The following OPCML variants were observed in gnomAD, a reference collection of about 807,000 sequenced individuals.
OPCML encodes the protein opioid binding protein/cell adhesion molecule like, also known as opioid-binding protein/cell adhesion molecule.
In OPCML, 13 loss-of-function variants were observed where a neutral mutation model predicts 37.8. The ratio of observed to expected loss-of-function variants is 0.34; its 90% CI spans 0.22 to 0.55. OPCML has a LOEUF of 0.55. Ranked by LOEUF, OPCML falls within the 20% of genes least tolerant of loss-of-function variation. The pLI, the probability that OPCML is intolerant of heterozygous loss-of-function variation, is 0.91. For synonymous variants in OPCML, 176 were observed against 168.8 expected (o/e 1.04, Z -0.33); for missense variants, 341 against 435.6 (o/e 0.78, Z 1.93).
chr11:133,391,844 T>G (rs1466167320), intron 1 of OPCML, among the ~76,000 whole-genome samples: 1 of 152,204 alleles, frequency 6.6e-6, no homozygotes, highest in Non-Finnish European at 1.5e-5. Context: ...TTAGGCTTTA[T>G]TTTTCTCTCA....
chr11:132,556,110 G>A (rs1374519684), intron 3 of OPCML, among the ~76,000 whole-genome samples: 2 of 151,028 alleles, frequency 1.3e-5, no homozygotes, highest in African/African-American at 4.9e-5. Flanking sequence ...AGCTAATTTA[G>A]AAAAAAAAAT....
At chr11:133,495,995 T>C (rs967496040) in intron 1 of OPCML, among the ~76,000 whole-genome samples, 1 of 152,170 alleles carries the variant, frequency 6.6e-6, no homozygotes, top group Non-Finnish European at 1.5e-5. Flanking sequence ...TCTGGAAGGG[T>C]TTTACCAACG....
At chr11:132,596,681 C>T (rs2096493051) in intron 3 of OPCML, among the ~76,000 whole-genome samples, 1 of 152,168 alleles carries the variant, frequency 6.6e-6, no homozygotes, top group Admixed American at 6.5e-5. Flanking sequence ...GTTACCTAAA[C>T]TGAACAGGGC....
Position 133,177,361 on chromosome 11 carries a change from C to T in OPCML, c.62-234351G>A, listed in dbSNP as rs1384081754. Among the ~76,000 whole-genome samples, 1 of 152,200 alleles carries T rather than the reference C, an allele frequency of 6.6e-6. No individual in the cohort carries two copies. On this transcript the variant is annotated intron_variant, in intron 1 of 7. Coordinates refer to ENST00000524381, the MANE Select transcript of OPCML (RefSeq NM_001012393.5). This position sits in a 1 kb window ranked among gnomAD's most constrained non-coding sequence, Gnocchi z 5.0. ...AAGGAAGTGGAGAGGGCTATAAATT[C>T]TGGCAGAACCCTGAGGAAATCAGTA...
intron 2 of OPCML, among the ~76,000 whole-genome samples, chr11:132,813,757 C>T (rs1444199145): frequency 2.6e-5 from 4 of 152,156 alleles, no homozygotes; most frequent in Admixed American, 6.6e-5. Context: ...ACTACTTTAA[C>T]CTGTGAAACT....
At chr11:133,291,964 A>C (rs1942490472) in intron 1 of OPCML, among the ~76,000 whole-genome samples, 1 of 152,252 alleles carries the variant, frequency 6.6e-6, no homozygotes, top group Admixed American at 6.5e-5. Flanking sequence ...GTGGTAGATT[A>C]CACAAGAGAA....
intron 1 of OPCML, among the ~76,000 whole-genome samples, chr11:133,445,907 AG>A (rs943111481): frequency 2.6e-5 from 4 of 151,910 alleles, no homozygotes; most frequent in African/African-American, 7.3e-5. Flanking sequence ...CTGAGAAGGA[AG>A]GGGGGGCTGC....
intron 7 of OPCML, among the ~76,000 whole-genome samples, chr11:132,420,977 T>G (rs531556722): frequency 7.8e-6 from 1 of 127,876 alleles, no homozygotes; most frequent in African/African-American, 3.8e-5. Context: ...CCTTGATTTT[T>G]TTCTAGCTTC....
chr11:132,516,320 C>T (rs1385575242), intron 4 of OPCML, among the ~76,000 whole-genome samples: 1 of 152,156 alleles, frequency 6.6e-6, no homozygotes, highest in Admixed American at 6.5e-5. Context: ...CTCCAAACAT[C>T]CTTCACTCTG....
chr11:133,258,837 GC>G (rs939062449), intron 1 of OPCML, among the ~76,000 whole-genome samples: 2 of 152,070 alleles, frequency 1.3e-5, no homozygotes, highest in Non-Finnish European at 2.9e-5. Context: ...GCCCCTGCCT[GC>G]CCAGAGATCT....
chr11:132,769,201 G>T (rs1201924024), intron 2 of OPCML, among the ~76,000 whole-genome samples: 6 of 151,788 alleles, frequency 4.0e-5, no homozygotes, highest in Non-Finnish European at 8.8e-5. Flanking sequence ...TAACTATGCT[G>T]AGTAGTTTTT....
Position 132,420,184 on chromosome 11 carries a change from G to A in OPCML, c.*9C>T, listed in dbSNP as rs562115035. 71 of 1,613,404 alleles carry A rather than the reference G, an allele frequency of 4.4e-5. No homozygotes were observed. Among genetic ancestry groups the A allele is most frequent in the Non-Finnish European group, 5.9e-5 (70 of 1,179,384 alleles). ...AGCAGGCGTTGCTCAGAGGACCTAG[G>A]ATTTCTTATCAAAACTTGATGAAGA... On this transcript the variant is annotated 3_prime_UTR_variant, in exon 8 of 8. Coordinates refer to ENST00000524381, the MANE Select transcript of OPCML (RefSeq NM_001012393.5).
rs540663276 is a variant in OPCML, at chr11:133,082,926, G to T, written c.62-139916C>A. ...AGACCGCCGCAAGGGGGCGCCAGGGGCCGGGGCGGACGTCGCGCCAGTGCC... is the reference window on the plus strand; with the variant it reads ...AGACCGCCGCAAGGGGGCGCCAGGGTCCGGGGCGGACGTCGCGCCAGTGCC... On this transcript the variant is annotated intron_variant, in intron 1 of 7. Transcript: ENST00000524381. Among the ~76,000 whole-genome samples the T allele has an allele frequency of 2.0e-3, 298 of 150,590 alleles. 2 individuals are homozygous for T. Among genetic ancestry groups the T allele is most frequent in the African/African-American group, 6.8e-3 (281 of 41,300 alleles).
chr11:133,204,898 A>ATGTGTG (rs1241658465), intron 1 of OPCML, among the ~76,000 whole-genome samples: 4 of 136,954 alleles, frequency 2.9e-5, no homozygotes, highest in Non-Finnish European at 4.7e-5. Context: ...ATATATATAT[A>ATGTGTG]TATATATATA....
intron 1 of OPCML, among the ~76,000 whole-genome samples, chr11:133,368,655 A>G (rs1944606705): frequency 6.6e-6 from 1 of 152,204 alleles, no homozygotes. Flanking sequence ...TTTTTTATCT[A>G]CATGTTCCCA....
chr11:133,431,235 G>A (rs552460948), intron 1 of OPCML, among the ~76,000 whole-genome samples: 1 of 152,138 alleles, frequency 6.6e-6, no homozygotes, highest in South Asian at 2.1e-4. Context: ...CTAGTTAAAC[G>A]TCATTCGACA....
intron 2 of OPCML, among the ~76,000 whole-genome samples, chr11:132,708,939 A>G (rs1784522): frequency 0.76 from 115,068 of 152,132 alleles, 43,702 homozygotes; most frequent in African/African-American, 0.78. Context: ...TGGAATGGCC[A>G]TCCCTCAGTC....
rs71067402 is a variant in OPCML at position 132,841,860 on chromosome 11, C to CAAAAAAAAAAAAAAAA, written c.146+101050_146+101065dup. ...TGGGTGACAGAATGACACTCTATCT[C>CAAAAAAAAAAAAAAAA]AAAAAAAAAAAAAAAAAAAAAAAAA... On this transcript the variant is annotated intron_variant, in intron 2 of 7. Coordinates refer to ENST00000524381, the MANE Select transcript of OPCML (RefSeq NM_001012393.5). Among the ~76,000 whole-genome samples, 7 of 34,694 alleles carry CAAAAAAAAAAAAAAAA rather than the reference C, an allele frequency of 2.0e-4. 1 individual carries two copies. The highest frequency in any genetic ancestry group is 2.4e-4 in the Non-Finnish European group (5 of 20,712). 22.8% of individuals were successfully genotyped at this position (34,694 alleles called of 152,430 possible). A position where few individuals can be genotyped will look rare whatever the true frequency, so the allele number is the denominator to read the frequency against.
chr11:132,671,591 C>T (rs1487393038), intron 2 of OPCML, among the ~76,000 whole-genome samples: 1 of 152,138 alleles, frequency 6.6e-6, no homozygotes, highest in Non-Finnish European at 1.5e-5. Context: ...ACCTGAATTT[C>T]TCCAGCCTTC....
Sources: gnomAD v4.1 joint callset for allele counts (sites outside exome capture counted in the v4.1 genomes callset) on GRCh38, gnomAD v4.1.1 for gene constraint, Gnocchi (gnomAD v3.1) non-coding constraint, MANE v1.5 for transcripts, NCBI Gene and HGNC (gene_info 2026-07-23, HGNC 2026-07-21) for gene names.